IL17RC: variants seen among roughly 807,000 people sequenced by gnomAD.
IL17RC encodes the protein interleukin 17 receptor C, also known as interleukin-17 receptor C.
IL17RC carries 53 observed loss-of-function variants against 86.7 expected under a neutral mutation model. The ratio of observed to expected loss-of-function variants is 0.61; its 90% CI spans 0.49 to 0.77. The LOEUF is 0.77. Among genes scored for constraint, IL17RC ranks in the 30% least tolerant of loss-of-function variants. The pLI, the probability that IL17RC is intolerant of heterozygous loss-of-function variation, is 0.00. For missense variants in IL17RC, 957 were observed against 940.0 expected, an observed-to-expected ratio of 1.02 and a Z score of -0.24; for synonymous variants, 439 against 413.1, an observed-to-expected ratio of 1.06 and a Z score of -0.76.
At chr3:9,923,370 G>A (rs2125189074) in intron 7 of IL17RC, among the ~76,000 whole-genome samples, 1 of 151,694 alleles carries the variant, frequency 6.6e-6, no homozygotes, top group African/African-American at 2.4e-5. Context: ...TGGCCAACAT[G>A]AGCGAAATCC....
chr3:9,932,856 G>C lies in IL17RC; in HGVS notation c.1520G>C (p.Gly507Ala). The C allele has an allele frequency of 6.4e-7, 1 of 1,570,870 alleles. No homozygotes were observed. The highest frequency in any genetic ancestry group is 1.2e-5 in the South Asian group (1 of 83,652). Residue 507 changes from glycine (G) to alanine (A), a missense_variant and splice_region_variant, in exon 18 of 19, where the codon GGG becomes GCG. Coordinates refer to ENST00000403601, the MANE Select transcript of IL17RC (RefSeq NM_153460.4). ...LRLLKQDVRS[G>A]AAARGRAALL... ...CTCTTGAAACAGGACGTCCGCTCGG[G>C]GGGTGAGTGGGAGCAAGCGCTGGGC... is the stretch of plus-strand genomic sequence containing the variant.
In IL17RC at chr3:9,930,997, C is replaced by G. The variant is rs1355164644; in HGVS notation, c.1387+54C>G. The G allele has an allele frequency of 3.5e-6, 5 of 1,415,146 alleles. No homozygotes were observed. The highest frequency in any genetic ancestry group is 3.4e-5 in the South Asian group (3 of 87,206). The allele number at this position is 1,415,146 out of a possible 1,614,324, so 87.7% of individuals were successfully genotyped here. A position where few individuals can be genotyped will look rare whatever the true frequency, so the allele number is the denominator to read the frequency against. On this transcript the variant is annotated intron_variant, in intron 16 of 18. Coordinates refer to ENST00000403601, the MANE Select transcript of IL17RC (RefSeq NM_153460.4). This position sits in a 1 kb window ranked among gnomAD's most constrained non-coding sequence, Gnocchi z 5.8. ...TCTGTACCAGGAGTGGGGATCTTGA[C>G]AGGGACCACTCTTGGGCACAGCACA...
intron 7 of IL17RC, among the ~76,000 whole-genome samples, chr3:9,921,481 A>AAAAC (rs1210842102): frequency 7.4e-6 from 1 of 135,052 alleles, no homozygotes; most frequent in African/African-American, 2.9e-5. Context: ...CAAAACAAAA[A>AAAAC]CAAAAAACTT....
Position 9,932,722 on chromosome 3 carries a change from C to T in IL17RC, c.1483+19C>T, listed in dbSNP as rs769767206. On this transcript the variant is annotated intron_variant, in intron 17 of 18. Coordinates refer to ENST00000403601, the MANE Select transcript of IL17RC (RefSeq NM_153460.4). The stretch of plus-strand genomic sequence containing the variant: ...GCGAAAGGTGAGCGCTTCCCGGCTC[C>T]CCATTCCCCTGGGGGAGGACCAGAG... 3 of 1,613,928 alleles carry T rather than the reference C, an allele frequency of 1.9e-6. No individual in the cohort carries two copies. Among genetic ancestry groups the T allele is most frequent in the Non-Finnish European group, 2.5e-6 (3 of 1,179,848 alleles).
At position 9,928,474 on chromosome 3, in the gene IL17RC, C is replaced by A; in HGVS notation, c.1047C>A (p.Asn349Lys). The A allele has an allele frequency of 6.2e-7, 1 of 1,611,028 alleles. No homozygotes were observed. Among genetic ancestry groups the A allele is most frequent in the Non-Finnish European group, 8.5e-7 (1 of 1,179,658 alleles). ...TGGTCCCACCGCTTTCCTGGGAGAACGTCACTGTGGACGTAAGTGAAGCAG... is the reference window on the plus strand; with the variant it reads ...TGGTCCCACCGCTTTCCTGGGAGAAAGTCACTGTGGACGTAAGTGAAGCAG... ...QPLVPPLSWENVTVDKVLEFP... is the reference protein window; with the variant it reads ...QPLVPPLSWEKVTVDKVLEFP... Residue 349 changes from asparagine (N) to lysine (K), a missense_variant, in exon 11 of 19, where the codon AAC (asparagine) becomes AAA (lysine). Coordinates refer to ENST00000403601, the MANE Select transcript of IL17RC (RefSeq NM_153460.4).
At chr3:9,925,616 C>A (rs200434294) in intron 9 of IL17RC, among the ~76,000 whole-genome samples, 1 of 152,026 alleles carries the variant, frequency 6.6e-6, no homozygotes, top group Admixed American at 6.6e-5. Context: ...CTGCCCCCAA[C>A]GGTGCCTTTT....
chr3:9,926,359 G>C (rs7632291), intron 9 of IL17RC, among the ~76,000 whole-genome samples: 1,756 of 152,070 alleles, frequency 0.012, 29 homozygotes, highest in African/African-American at 0.04. Context: ...GTTTTGTGGC[G>C]ATGGGCCACC....
At chr3:9,932,903 C>T in intron 18 of IL17RC, 45 bp downstream of exon 18, 1 of 1,603,534 alleles carries the variant, frequency 6.2e-7, no homozygotes. Context: ...CCCGGGGAGC[C>T]AGGCCTGTGC....
rs554706934 is a variant in IL17RC at position 9,929,494 on chromosome 3, T to C, written c.1111-358T>C. On this transcript the variant is annotated intron_variant, in intron 12 of 18. Transcript: ENST00000403601. ...AAATAAATCATATAGTATCTTAAAA[T>C]TGCATACAAATACCATGGGAAAGGG... is the stretch of plus-strand genomic sequence containing the variant. 545 of 306,886 alleles carry C rather than the reference T, an allele frequency of 1.8e-3. 6 individuals carry two copies. The highest frequency in any genetic ancestry group is 0.018 in the South Asian group (427 of 24,202). The allele number at this position is 306,886 out of a possible 1,614,324, so 19.0% of individuals were successfully genotyped here.
At chr3:9,923,799 T>G (rs1469640349) in intron 7 of IL17RC, 82 bp from the exon 8 acceptor site, 1 of 1,484,846 alleles carries the variant, frequency 6.7e-7, no homozygotes, top group African/African-American at 1.4e-5. Flanking sequence ...CTAGGGGGTT[T>G]GAAGGAAACT....
intron 16 of IL17RC, among the ~76,000 whole-genome samples, chr3:9,932,104 G>C (rs1337257884): frequency 1.3e-5 from 2 of 152,166 alleles, no homozygotes; most frequent in Admixed American, 1.3e-4. Context: ...CTTTACAGAG[G>C]AGAAAACTGA....
intron 12 of IL17RC, 89 bp from the exon 13 acceptor site, chr3:9,929,763 C>G: frequency 5.6e-6 from 8 of 1,418,596 alleles, no homozygotes; most frequent in Non-Finnish European, 8.0e-6. Context: ...CCCAACCCAA[C>G]AGGCCTTCTG....
rs751474517 is a variant in IL17RC, at chr3:9,924,146, ACTTCTGC to A, written c.763-81_763-75del. On this transcript the variant is annotated intron_variant, in intron 8 of 18. Transcript: ENST00000403601. ...CAAGCAAGGGAAAATTGGTGGGGGA[ACTTCTGC>A]CTTCCTGGTTTCCTTGACTTTGGCC... 1.9e-6 allele frequency: 3 copies of A among 1,607,932 alleles called. No individual in the cohort carries two copies. The African/African-American group carries it at 4.0e-5, about 22-fold the overall frequency.
rs1293715766 is a variant in IL17RC, at chr3:9,917,440, G to A, written c.105+20G>A. 1 of 1,614,218 alleles carries A rather than the reference G, an allele frequency of 6.2e-7. No homozygotes were observed. The highest frequency in any genetic ancestry group is 1.7e-5 in the Admixed American group (1 of 60,032). On this transcript the variant is annotated intron_variant, in intron 1 of 18. Coordinates refer to ENST00000403601, the MANE Select transcript of IL17RC (RefSeq NM_153460.4). ...TCTCCGGTGAGTCTGGAACCCTGGG[G>A]AGACGAGGAAAGGCTCAGGGTTCAG...
At chr3:9,927,427 G>A (rs1479260866) in intron 9 of IL17RC, among the ~76,000 whole-genome samples, 1 of 151,762 alleles carries the variant, frequency 6.6e-6, no homozygotes, top group Non-Finnish European at 1.5e-5. Flanking sequence ...GCATGGTGAT[G>A]TGCGCCTGTA....
chr3:9,925,230 C>T (rs2083950037), intron 9 of IL17RC, among the ~76,000 whole-genome samples: 1 of 12 alleles, frequency 0.083, no homozygotes, highest in African/African-American at 0.5. Flanking sequence ...ATTCTCCTGC[C>T]TCAGCCTCGC....
intron 9 of IL17RC, among the ~76,000 whole-genome samples, chr3:9,925,663 A>G (rs2083990929): frequency 6.6e-6 from 1 of 151,576 alleles, no homozygotes; most frequent in Non-Finnish European, 1.5e-5. Context: ...TCATGAGAAC[A>G]TTGTTACATC....
chr3:9,923,798 T>G, intron 7 of IL17RC, 83 bp from the exon 8 acceptor site: 1 of 1,479,408 alleles, frequency 6.8e-7, no homozygotes, highest in Admixed American at 1.7e-5. Flanking sequence ...TCTAGGGGGT[T>G]TGAAGGAAAC....
At position 9,933,005 on chromosome 3, in the gene IL17RC, T is replaced by A. The variant is rs1015531176; in HGVS notation, c.1575T>A (p.Gly525=). Residue 525 remains glycine (G), a synonymous_variant, in exon 19 of 19, where the codon GGT becomes GGA. Transcript: ENST00000403601. ...TCCTCTACTCAGCCGATGACTCGGG[T>A]TTCGAGCGCCTGGTGGGCGCCCTGG... is the stretch of plus-strand genomic sequence containing the variant. The part of the protein sequence containing the change: ...ALLLYSADDS[G]FERLVGALAS... 6.4e-7 allele frequency: 1 copy of A among 1,570,798 alleles called. No individual in the cohort carries two copies. The highest frequency in any genetic ancestry group is 1.4e-5 in the African/African-American group (1 of 73,098).
Sources: allele counts gnomAD v4.1 joint callset (sites outside exome capture counted in the v4.1 genomes callset), GRCh38; gene constraint gnomAD v4.1.1; non-coding constraint Gnocchi (gnomAD v3.1); transcripts MANE v1.5; gene names NCBI Gene and HGNC (gene_info 2026-07-23, HGNC 2026-07-21).